Variants in ZNF571 observed in about 807,000 individuals in gnomAD.
ZNF571 encodes the protein zinc finger protein 571.
A neutral mutation model predicts 7.7 loss-of-function variants in ZNF571; 4 were observed. The observed-to-expected ratio is 0.52, with a 90% confidence interval of 0.25 to 1.18. ZNF571 has a LOEUF of 1.18. Among genes scored for constraint, ZNF571 ranks in the 50% most tolerant of loss-of-function variants. The pLI, the probability that ZNF571 is intolerant of heterozygous loss-of-function variation, is 0.14. For missense variants in ZNF571, 704 were observed against 726.9 expected (o/e 0.97, Z 0.36); for synonymous variants, 251 against 232.4 (o/e 1.08, Z -0.73).
chr19:37,573,758 C>T (rs2043146285), intron 3 of ZNF571, among the ~76,000 whole-genome samples: 1 of 151,222 alleles, frequency 6.6e-6, no homozygotes, highest in African/African-American at 2.4e-5. Context: ...TCACTTCAGC[C>T]CGAGTGTGAG....
At chr19:37,579,542 CAGA>C (rs1440337276) in intron 3 of ZNF571, among the ~76,000 whole-genome samples, 1 of 111,138 alleles carries the variant, frequency 9.0e-6, no homozygotes, top group South Asian at 3.9e-4. Context: ...TAGCCATATG[CAGA>C]AGAATGAAAG....
chr19:37,588,032 G>A (rs1387950409), intron 1 of ZNF571, among the ~76,000 whole-genome samples: 2 of 147,652 alleles, frequency 1.4e-5, no homozygotes, highest in Non-Finnish European at 3.0e-5. Context: ...CGCGGGAGGT[G>A]GAGGTTGCAG....
intron 1 of ZNF571, among the ~76,000 whole-genome samples, chr19:37,589,307 T>A (rs905684022): frequency 6.6e-6 from 1 of 151,242 alleles, no homozygotes; most frequent in Non-Finnish European, 1.5e-5. Flanking sequence ...TATGAATAAA[T>A]GTTCCTACAT....
At chr19:37,589,886 A>AAAAAAC in intron 1 of ZNF571, among the ~76,000 whole-genome samples, 2 of 149,934 alleles carry the variant, frequency 1.3e-5, no homozygotes, top group African/African-American at 2.4e-5. Flanking sequence ...AAAAAAAAAA[A>AAAAAAC]AGCACACTTG....
At chr19:37,591,136 G>A (rs1046619193) in intron 1 of ZNF571, among the ~76,000 whole-genome samples, 4 of 152,044 alleles carry the variant, frequency 2.6e-5, no homozygotes, top group African/African-American at 9.7e-5. Context: ...TAGAATAAAC[G>A]ACAGCCTTAT....
At chr19:37,592,804 A>G (rs1305387644) in intron 1 of ZNF571, among the ~76,000 whole-genome samples, 4 of 152,262 alleles carry the variant, frequency 2.6e-5, no homozygotes, top group African/African-American at 4.8e-5. Flanking sequence ...AAGACAGTAC[A>G]AAGAAGCAAT....
At chr19:37,594,149 T>C (rs2147219913) in intron 1 of ZNF571, 1 of 152,334 alleles carries the variant, frequency 6.6e-6, no homozygotes, top group South Asian at 2.1e-4. Flanking sequence ...TCTTTAACAG[T>C]GGTCTTCTTC....
intron 3 of ZNF571, among the ~76,000 whole-genome samples, chr19:37,570,664 C>T (rs542297059): frequency 6.6e-6 from 1 of 152,244 alleles, no homozygotes; most frequent in Non-Finnish European, 1.5e-5. Context: ...CTGTTGTATA[C>T]ACTGATTGGC....
rs1250599835 is a variant in ZNF571 at position 37,565,594 on chromosome 19, G to A, written c.834C>T (p.Pro278=). The stretch of plus-strand genomic sequence containing the variant: ...CCTTCCCACAATCCTTACATTCATA[G>A]GGTTTTTCACCACTATGAATTCTCT... ...LHQRIHSGEK[P]YECKDCGKAF... is the part of the protein sequence containing the mutation. The change falls in exon 4 of 4, where the codon CCC becomes CCT. Residue 278 remains proline, a synonymous_variant. Transcript: ENST00000451802. The A allele has an allele frequency of 6.2e-7, 1 of 1,613,342 alleles. No homozygotes were observed. The highest frequency in any genetic ancestry group is 8.5e-7 in the Non-Finnish European group (1 of 1,179,778).
intron 1 of ZNF571, among the ~76,000 whole-genome samples, chr19:37,590,940 T>C (rs2043851933): frequency 6.6e-6 from 1 of 152,216 alleles, no homozygotes; most frequent in Non-Finnish European, 1.5e-5. Context: ...AACAATTATA[T>C]TTTAGAATAA....
At chr19:37,580,852 G>A (rs534176996) in intron 3 of ZNF571, among the ~76,000 whole-genome samples, 9 of 152,230 alleles carry the variant, frequency 5.9e-5, no homozygotes, top group South Asian at 4.1e-4. Context: ...GCAGAACCAC[G>A]AGCCAAATAA....
In ZNF571 at chr19:37,564,668, G is replaced by A. The variant is rs780116456; in HGVS notation, c.1760C>T (p.Thr587Ile). The change falls in exon 4 of 4, where the codon ACA (threonine) becomes ATA (isoleucine). Residue 587 changes from threonine (T) to isoleucine (I), a missense_variant. Thr to Ile is a moderately conservative substitution (Grantham distance 89). Transcript: ENST00000451802. ...AAAGTCTTTACCACACTGGACACAT[G>A]TATAGGGTTTCTCACCAGTATGGAT... The part of the protein sequence containing the change: ...QRIHTGEKPY[T>I]CVQCGKDFRC... 1.2e-6 allele frequency: 2 copies of A among 1,613,046 alleles called. No homozygotes were observed. Among genetic ancestry groups the A allele is most frequent in the South Asian group, 1.1e-5 (1 of 90,942 alleles).
intron 1 of ZNF571, among the ~76,000 whole-genome samples, chr19:37,590,347 G>A (rs1363003109): frequency 6.6e-6 from 1 of 151,784 alleles, no homozygotes; most frequent in Non-Finnish European, 1.5e-5. Flanking sequence ...AACCCAGGAG[G>A]CGGAGCTTGC....
intron 3 of ZNF571, among the ~76,000 whole-genome samples, chr19:37,567,976 G>T (rs1204670761): frequency 2.6e-5 from 4 of 151,838 alleles, no homozygotes; most frequent in African/African-American, 9.7e-5. Flanking sequence ...ATTACTTAAG[G>T]CCAAATGTTC....
intron 3 of ZNF571, among the ~76,000 whole-genome samples, chr19:37,567,320 T>C (rs1159592036): frequency 6.6e-6 from 1 of 152,226 alleles, no homozygotes; most frequent in Admixed American, 6.5e-5. Context: ...GTCAACAATT[T>C]CTAAAATATA....
At chr19:37,573,490 G>C (rs1226275037) in intron 3 of ZNF571, among the ~76,000 whole-genome samples, 1 of 152,076 alleles carries the variant, frequency 6.6e-6, no homozygotes, top group Non-Finnish European at 1.5e-5. Context: ...CACAATAGCT[G>C]TAACAAGAAT....
In ZNF571 at chr19:37,565,220, T is replaced by G. The variant is rs1327654701; in HGVS notation, c.1208A>C (p.Asn403Thr). ...TCTTTGATGTTGAATAAGATTAGAA[T>G]TAGAAATAAAGGCTTTCCCACATTC... ...CKECGKAFIS[N>T]SNLIQHQRIH... The change falls in exon 4 of 4, where the codon AAT becomes ACT. Residue 403 changes from asparagine to threonine, a missense_variant. Transcript: ENST00000451802. 5 of 1,613,272 alleles carry G rather than the reference T, an allele frequency of 3.1e-6. No individual in the cohort carries two copies. In the African/African-American group the frequency reaches 6.7e-5, roughly 22 times the overall value.
At chr19:37,568,987 C>T (rs1342124323) in intron 3 of ZNF571, among the ~76,000 whole-genome samples, 2 of 151,824 alleles carry the variant, frequency 1.3e-5, no homozygotes, top group Non-Finnish European at 2.9e-5. Context: ...GATGGAGTCT[C>T]GCTCTGTCAT....
intron 1 of ZNF571, chr19:37,586,977 C>T: frequency 2.6e-6 from 1 of 382,666 alleles, no homozygotes; most frequent in Non-Finnish European, 4.6e-6. Context: ...TCCTCTTCCA[C>T]AGTAGAACAG....
Sources: allele counts gnomAD v4.1 joint callset (sites outside exome capture counted in the v4.1 genomes callset), GRCh38; gene constraint gnomAD v4.1.1; transcripts MANE v1.5; gene names NCBI Gene and HGNC (gene_info 2026-07-23, HGNC 2026-07-21).